Variants in KANK1 observed in about 807,000 individuals in gnomAD.
The protein encoded by KANK1 is KN motif and ankyrin repeat domains 1.
Under a neutral mutation model 106.2 loss-of-function variants are expected in KANK1, and 109 were observed. That is an observed-to-expected ratio of 1.03 (90% CI 0.88 to 1.20). KANK1 has a LOEUF of 1.20. Ranked by LOEUF, KANK1 falls within the 50% of genes most tolerant of loss-of-function variation. KANK1 has a pLI of 0.00. For missense variants in KANK1, 2,399 were observed against 1,710.7 expected (o/e 1.40, Z -7.10); for synonymous variants, 873 against 652.2 (o/e 1.34, Z -5.16).
At chr9:691,569 A>G (rs1207561729) in intron 2 of KANK1, among the ~76,000 whole-genome samples, 1 of 148,912 alleles carries the variant, frequency 6.7e-6, no homozygotes, top group African/African-American at 2.5e-5. Flanking sequence ...CCGATATTAA[A>G]TCTTAGTTTG....
intron 1 of KANK1, among the ~76,000 whole-genome samples, chr9:658,875 T>G (rs1373977663): frequency 6.6e-6 from 1 of 152,146 alleles, no homozygotes; most frequent in Non-Finnish European, 1.5e-5. Context: ...AGTTAACTCC[T>G]ACTTATCCTT....
chr9:640,947 C>T (rs1355555411), intron 1 of KANK1, among the ~76,000 whole-genome samples: 7 of 152,148 alleles, frequency 4.6e-5, no homozygotes, highest in Admixed American at 1.3e-4. Context: ...CTGCCCGCCT[C>T]GGCCTCCCAA....
chr9:564,676 C>T (rs758365346), intron 1 of KANK1, among the ~76,000 whole-genome samples: 4 of 152,152 alleles, frequency 2.6e-5, no homozygotes, highest in East Asian at 3.9e-4. Flanking sequence ...TCTGAGCATG[C>T]GCTCAGCTCT....
chr9:588,149 C>A (rs945592153), intron 1 of KANK1, among the ~76,000 whole-genome samples: 1 of 151,940 alleles, frequency 6.6e-6, no homozygotes, highest in African/African-American at 2.4e-5. Context: ...AGAACTTAAA[C>A]CAGTGAGATA....
intron 1 of KANK1, among the ~76,000 whole-genome samples, chr9:512,322 A>C (rs2059069433): frequency 6.6e-6 from 1 of 152,014 alleles, no homozygotes; most frequent in South Asian, 2.1e-4. Flanking sequence ...GGCTAGTCCT[A>C]AATACTGCAT....
intron 2 of KANK1, chr9:686,865 C>G: frequency 1.0e-6 from 1 of 985,262 alleles, no homozygotes; most frequent in African/African-American, 1.7e-5. Context: ...GAATTCACAA[C>G]ACCTCAGGAC....
intron 1 of KANK1, among the ~76,000 whole-genome samples, chr9:637,066 A>AT (rs1180399710): frequency 6.6e-6 from 1 of 151,956 alleles, no homozygotes; most frequent in African/African-American, 2.4e-5. Context: ...CCTTCTCTCC[A>AT]TTTTTTGACA....
chr9:646,850 C>G (rs144703055), intron 1 of KANK1, among the ~76,000 whole-genome samples: 11 of 142,582 alleles, frequency 7.7e-5, no homozygotes, highest in Non-Finnish European at 1.6e-4. Flanking sequence ...CATGCCACCA[C>G]GCCTGGCTAA....
At chr9:662,521 C>T (rs1459201407) in intron 1 of KANK1, among the ~76,000 whole-genome samples, 1 of 135,658 alleles carries the variant, frequency 7.4e-6, no homozygotes, top group African/African-American at 2.9e-5. Context: ...GAAATAACAC[C>T]ACACATCTAC....
At chr9:476,435 C>T (rs1009857564) in intron 3 of KANK1, among the ~76,000 whole-genome samples, 7 of 151,674 alleles carry the variant, frequency 4.6e-5, no homozygotes, top group Admixed American at 2.6e-4. Context: ...GCAAGAGAAT[C>T]GCTTGAACCC....
chr9:693,937 C>G (rs553889395), intron 2 of KANK1, among the ~76,000 whole-genome samples: 1 of 152,126 alleles, frequency 6.6e-6, no homozygotes, highest in East Asian at 1.9e-4. Flanking sequence ...GATTTTTGGT[C>G]CAGTGAAAAT....
chr9:485,626 A>G (rs2132228671), intron 3 of KANK1, among the ~76,000 whole-genome samples: 1 of 152,252 alleles, frequency 6.6e-6, no homozygotes, highest in Non-Finnish European at 1.5e-5. Context: ...TAATCCCAAC[A>G]CTTTGAGAGG....
chr9:524,132 C>CA (rs1432073054), intron 1 of KANK1, among the ~76,000 whole-genome samples: 1 of 151,752 alleles, frequency 6.6e-6, no homozygotes, highest in Non-Finnish European at 1.5e-5. Flanking sequence ...CAGGGACTCC[C>CA]AACTTACCTG....
At chr9:646,347 T>C (rs979044127) in intron 1 of KANK1, among the ~76,000 whole-genome samples, 2 of 150,898 alleles carry the variant, frequency 1.3e-5, no homozygotes, top group South Asian at 4.1e-4. Flanking sequence ...AAAAAAAATT[T>C]AAGAAAATTT....
At chr9:494,007 T>G (rs1024685808) in intron 3 of KANK1, among the ~76,000 whole-genome samples, 16 of 151,930 alleles carry the variant, frequency 1.1e-4, no homozygotes, top group African/African-American at 3.6e-4. Context: ...CTCAGCCTCC[T>G]GAGTAGCTGG....
At chr9:607,484 C>CAAAAAA (rs760884670) in intron 1 of KANK1, among the ~76,000 whole-genome samples, 2 of 61,182 alleles carry the variant, frequency 3.3e-5, no homozygotes, top group African/African-American at 5.8e-5. Context: ...GACTCCATCT[C>CAAAAAA]AAAAAAAAAA....
chr9:483,754 A>C (rs1018453693), intron 3 of KANK1, among the ~76,000 whole-genome samples: 1 of 152,134 alleles, frequency 6.6e-6, no homozygotes, highest in Non-Finnish European at 1.5e-5. Flanking sequence ...ACTTTCTGAC[A>C]CCTCAGGGTA....
At chr9:650,336 A>AG (rs1491558529) in intron 1 of KANK1, among the ~76,000 whole-genome samples, 8 of 152,344 alleles carry the variant, frequency 5.3e-5, no homozygotes, top group African/African-American at 1.4e-4. Flanking sequence ...AAGACAAATC[A>AG]GGGGAATGGA....
chr9:567,517 A>G (rs550162695), intron 1 of KANK1, among the ~76,000 whole-genome samples: 1 of 152,376 alleles, frequency 6.6e-6, no homozygotes, highest in Admixed American at 6.5e-5. Context: ...GTTAGAAGCA[A>G]GGGTCAGATA....
Sources: gnomAD v4.1 joint callset for allele counts (sites outside exome capture counted in the v4.1 genomes callset) on GRCh38, gnomAD v4.1.1 for gene constraint, MANE v1.5 for transcripts, NCBI Gene and HGNC (gene_info 2026-07-23, HGNC 2026-07-21) for gene names.